NHS: variants seen among roughly 807,000 people sequenced by gnomAD.
NHS encodes actin remodeling regulator NHS.
Under a neutral mutation model 72.5 loss-of-function variants are expected in NHS, and 5 were observed. The ratio of observed to expected loss-of-function variants is 0.07; its 90% confidence interval spans 0.04 to 0.14. NHS has a LOEUF of 0.14. Among genes scored for constraint, NHS ranks in the 10% least tolerant of loss-of-function variants. The pLI, the probability that NHS is intolerant of heterozygous loss-of-function variation, is 1.00. For missense variants in NHS, 1,072 were observed against 1,355.7 expected (o/e 0.79, Z 3.29); for synonymous variants, 464 against 547.7 (o/e 0.85, Z 2.13).
chrX:17,608,685 T>TG (rs201442682), intron 1 of NHS, among the ~76,000 whole-genome samples: 61 of 109,390 alleles, frequency 5.6e-4, no homozygotes, highest in Non-Finnish European at 8.0e-4. Context: ...TTTTTTTTTT[T>TG]GGGGGGATAT....
intron 1 of NHS, among the ~76,000 whole-genome samples, chrX:17,532,675 C>T (rs144557413): frequency 1.4e-3 from 161 of 111,484 alleles, no homozygotes; most frequent in African/African-American, 4.6e-3. Flanking sequence ...GGAAGAAAGC[C>T]CAGACCAAGG....
chrX:17,731,727 C>A, intron 8 of NHS, 131 bp from the exon 9 acceptor site: 1 of 825,190 alleles, frequency 1.2e-6, no homozygotes, highest in Non-Finnish European at 1.7e-6. Flanking sequence ...AGCCCTAATG[C>A]TTAGTATCCC....
chrX:17,607,025 A>G (rs1035741172), intron 1 of NHS, among the ~76,000 whole-genome samples: 6 of 112,312 alleles, frequency 5.3e-5, no homozygotes, highest in African/African-American at 1.9e-4. Context: ...GTCCAGGGCC[A>G]CATAGCTTGT....
intron 1 of NHS, among the ~76,000 whole-genome samples, chrX:17,511,555 A>G (rs1033563214): frequency 8.9e-6 from 1 of 111,958 alleles, no homozygotes; most frequent in African/African-American, 3.2e-5. Flanking sequence ...ATTTGATTCA[A>G]TAGATGTAGG....
At chrX:17,570,721 TGA>T (rs2065473374) in intron 1 of NHS, among the ~76,000 whole-genome samples, 1 of 111,699 alleles carries the variant, frequency 9.0e-6, no homozygotes, top group African/African-American at 3.3e-5. Context: ...ATAGGAGCGG[TGA>T]GAGAGGGCAT....
intron 1 of NHS, among the ~76,000 whole-genome samples, chrX:17,592,199 A>G (rs1039650080): frequency 8.9e-6 from 1 of 112,306 alleles, no homozygotes. Flanking sequence ...ACTTCAGTAT[A>G]ATACTATCCA....
At chrX:17,488,143 G>A (rs183472985) in intron 1 of NHS, among the ~76,000 whole-genome samples, 1 of 111,471 alleles carries the variant, frequency 9.0e-6, no homozygotes, top group South Asian at 3.8e-4. Context: ...TCCGCTACGG[G>A]TAGAGATTCC....
chrX:17,506,504 C>G (rs1360868335), intron 1 of NHS, among the ~76,000 whole-genome samples: 3 of 108,010 alleles, frequency 2.8e-5, no homozygotes, highest in Non-Finnish European at 5.7e-5. Flanking sequence ...GCACTCCAGC[C>G]TGGGCGATAG....
chrX:17,413,631 A>ACTG (rs2064574656), intron 1 of NHS, among the ~76,000 whole-genome samples: 1 of 112,299 alleles, frequency 8.9e-6, no homozygotes, highest in African/African-American at 3.2e-5. Context: ...AAAGGCGAAG[A>ACTG]CTGTTTGTTT....
chrX:17,696,757 C>A (rs1284523617), intron 3 of NHS, among the ~76,000 whole-genome samples: 1 of 111,496 alleles, frequency 9.0e-6, no homozygotes, highest in Non-Finnish European at 1.9e-5. Context: ...AGGTCCCCAT[C>A]TCCCATTATT....
chrX:17,610,839 G>A (rs1485653438), intron 1 of NHS, among the ~76,000 whole-genome samples: 2 of 112,476 alleles, frequency 1.8e-5, no homozygotes, highest in East Asian at 2.8e-4. Context: ...AGAAGTCATT[G>A]TATGCAGTGA....
rs1210551204 is a variant in NHS, at chrX:17,732,904, T to C, written c.*440T>C. On this transcript the variant is annotated 3_prime_UTR_variant, in exon 9 of 9. Coordinates refer to ENST00000676302, the MANE Select transcript of NHS (RefSeq NM_001291867.2). ...TAAAGCAAAATTTAGAAGAAAGAAC[T>C]ACACATATGTAAATACCATATTTTT... 5.9e-6 allele frequency: 1 copy of C among 168,932 alleles called. No homozygotes were observed. Among genetic ancestry groups the C allele is most frequent in the East Asian group, 1.5e-4 (1 of 6,859 alleles). The allele number at this position is 168,932 out of a possible 1,213,427, so 13.9% of individuals were successfully genotyped here. A position where few individuals can be genotyped will look rare whatever the true frequency, so the allele number is the denominator to read the frequency against.
intron 1 of NHS, among the ~76,000 whole-genome samples, chrX:17,555,013 C>A: frequency 9.1e-6 from 1 of 110,294 alleles, no homozygotes. Flanking sequence ...CCTCCACTCC[C>A]CAACAGGCCC....
chrX:17,665,318 ATTTTTTT>A (rs34661609), intron 1 of NHS, among the ~76,000 whole-genome samples: 2 of 54,717 alleles, frequency 3.7e-5, no homozygotes, highest in Admixed American at 2.5e-4. Flanking sequence ...TTACCTATAG[ATTTTTTT>A]TTTTTTTTTT....
chrX:17,564,043 CA>C (rs1247865833), intron 1 of NHS, among the ~76,000 whole-genome samples: 3 of 111,992 alleles, frequency 2.7e-5, no homozygotes, highest in Non-Finnish European at 5.6e-5. Flanking sequence ...CACTCCCATA[CA>C]GCATATTTAT....
At chrX:17,402,223 T>C (rs111242599) in intron 1 of NHS, among the ~76,000 whole-genome samples, 5,158 of 111,771 alleles carry the variant, frequency 0.046, 308 homozygotes, top group African/African-American at 0.16. Flanking sequence ...TTGGAACCGT[T>C]ATACATTGCT....
At chrX:17,626,609 G>C (rs933317990) in intron 1 of NHS, among the ~76,000 whole-genome samples, 2 of 111,710 alleles carry the variant, frequency 1.8e-5, no homozygotes, top group Non-Finnish European at 3.8e-5. Context: ...AGTGCTTAGT[G>C]ATGAACTCCA....
At chrX:17,559,730 A>G (rs932021764) in intron 1 of NHS, among the ~76,000 whole-genome samples, 10 of 111,556 alleles carry the variant, frequency 9.0e-5, no homozygotes, top group African/African-American at 3.3e-4. Context: ...GGGAATTCAG[A>G]CACCTCCCAA....
intron 1 of NHS, among the ~76,000 whole-genome samples, chrX:17,667,802 A>T (rs2066021437): frequency 9.0e-6 from 1 of 110,516 alleles, no homozygotes; most frequent in African/African-American, 3.3e-5. Context: ...TAGATTTGGC[A>T]AGGAGAGGGG....
Sources: gnomAD v4.1 joint callset for allele counts (sites outside exome capture counted in the v4.1 genomes callset) on GRCh38, gnomAD v4.1.1 for gene constraint, MANE v1.5 for transcripts, NCBI Gene and HGNC (gene_info 2026-07-23, HGNC 2026-07-21) for gene names.